The following MLIP variants were observed in gnomAD, a reference collection of about 807,000 sequenced individuals.
The protein encoded by MLIP is muscular LMNA interacting protein, also known as muscular LMNA-interacting protein.
In MLIP, 79 loss-of-function variants were observed where a neutral mutation model predicts 84.8. The observed-to-expected ratio is 0.93, with a 90% CI of 0.78 to 1.12. The LOEUF is 1.12. Among genes scored for constraint, MLIP ranks in the 50% most tolerant of loss-of-function variants. The pLI, the probability that MLIP is intolerant of heterozygous loss-of-function variation, is 0.00. For missense variants in MLIP, 1,257 were observed against 1,160.6 expected (o/e 1.08, Z -1.21); for synonymous variants, 504 against 463.0 (o/e 1.09, Z -1.14).
intron 11 of MLIP, among the ~76,000 whole-genome samples, chr6:54,229,367 T>C (rs1276600134): frequency 6.6e-6 from 1 of 152,234 alleles, no homozygotes; most frequent in Admixed American, 6.5e-5. Context: ...TTTTATTTTT[T>C]CTTCAACTTT....
intron 12 of MLIP, among the ~76,000 whole-genome samples, chr6:54,251,595 A>G (rs1392759298): frequency 1.3e-5 from 1 of 79,842 alleles, no homozygotes; most frequent in Non-Finnish European, 2.1e-5. Context: ...TATAATACAA[A>G]TATATATATT....
chr6:54,148,920 GA>G, intron 4 of MLIP, 135 bp from the exon 5 acceptor site: 1 of 625,138 alleles, frequency 1.6e-6, no homozygotes, highest in African/African-American at 1.9e-5. Flanking sequence ...GTTTCTGTCA[GA>G]AACAAGTTGT....
chr6:54,075,596 G>C (rs1013011476), intron 1 of MLIP, among the ~76,000 whole-genome samples: 1 of 152,104 alleles, frequency 6.6e-6, no homozygotes, highest in African/African-American at 2.4e-5. Context: ...ATTATTTGGA[G>C]ATTCTGTCAT....
intron 1 of MLIP, among the ~76,000 whole-genome samples, chr6:54,031,081 T>A (rs1239614103): frequency 6.6e-6 from 1 of 152,156 alleles, no homozygotes; most frequent in African/African-American, 2.4e-5. Context: ...AACATTAACA[T>A]GTAAATCAGT....
chr6:54,241,515 A>T (rs1781735488), intron 12 of MLIP, among the ~76,000 whole-genome samples: 2 of 152,156 alleles, frequency 1.3e-5, no homozygotes, highest in Admixed American at 1.3e-4. Context: ...TTTTTCTGGT[A>T]TGCTACTTCA....
In MLIP at chr6:54,121,578, T is replaced by C. The variant is rs1770458655; in HGVS notation, c.228T>C (p.Asp76=). The C allele has an allele frequency of 3.7e-6, 6 of 1,612,552 alleles. No individual in the cohort carries two copies. The highest frequency in any genetic ancestry group is 5.1e-6 in the Non-Finnish European group (6 of 1,179,050). The change falls in exon 2 of 14, where the codon GAT becomes GAC. Residue 76 remains aspartate (D), a synonymous_variant. Transcript: ENST00000502396. ...FLVKIPEESS[D]KSPETVNRSK... ...TTAAAATTCCAGAAGAATCAAGTGA[T>C]AAGAGTCCAGAAACTGTAAATAGGG...
intron 1 of MLIP, among the ~76,000 whole-genome samples, chr6:54,105,285 T>C (rs541650468): frequency 6.6e-6 from 1 of 152,312 alleles, no homozygotes; most frequent in Non-Finnish European, 1.5e-5. Flanking sequence ...TTAGCCCGTA[T>C]ACGTTTGACT....
chr6:54,023,324 A>T (rs1045381484), intron 1 of MLIP, among the ~76,000 whole-genome samples: 5 of 151,872 alleles, frequency 3.3e-5, no homozygotes, highest in Admixed American at 2.6e-4. Context: ...ACTCTTTGAG[A>T]TTGAGAAAGA....
chr6:54,059,131 C>T (rs1054342805), intron 1 of MLIP, among the ~76,000 whole-genome samples: 5 of 152,156 alleles, frequency 3.3e-5, no homozygotes, highest in Non-Finnish European at 7.4e-5. Flanking sequence ...TATTCAGAGA[C>T]TTGTCTAAGG....
upstream of MLIP, among the ~76,000 whole-genome samples, chr6:54,111,040 A>T (rs1769416552): frequency 6.6e-6 from 1 of 152,222 alleles, no homozygotes; most frequent in Admixed American, 6.5e-5. Context: ...GCATGTATTT[A>T]TACCTCTAAA....
In MLIP at chr6:54,257,290, G is replaced by A. The variant is rs1306161013; in HGVS notation, c.2923-18G>A. On this transcript the variant is annotated intron_variant, in intron 12 of 13. Coordinates refer to ENST00000502396, the MANE Select transcript of MLIP (RefSeq NM_001281747.2). ...CACTTCTACTCCTGATCATATCCTG[G>A]GCATCTTTTCTGTGAAGCTGAGTCA... 9 of 1,600,974 alleles carry A rather than the reference G, an allele frequency of 5.6e-6. No homozygotes were observed. The highest frequency in any genetic ancestry group is 1.3e-5 in the African/African-American group (1 of 74,310).
intron 12 of MLIP, among the ~76,000 whole-genome samples, chr6:54,252,152 CAT>C (rs1491564728): frequency 2.0e-5 from 2 of 98,238 alleles, no homozygotes; most frequent in African/African-American, 4.6e-5. Flanking sequence ...TATAATATAA[CAT>C]ATAATATATA....
chr6:54,197,600 T>C lies in MLIP; in HGVS notation c.2590-4505T>C, dbSNP rs73438438. ...ATTTTTTTTCTTGTGCCCTTTGTGC[T>C]GGCTATGAGAGTCATTACATTTTTT... On this transcript the variant is annotated intron_variant, in intron 10 of 13. Coordinates refer to ENST00000502396, the MANE Select transcript of MLIP (RefSeq NM_001281747.2). Among the ~76,000 whole-genome samples, 639 of 152,252 alleles carry C rather than the reference T, an allele frequency of 4.2e-3. 4 individuals are homozygous for C. Among genetic ancestry groups the C allele is most frequent in the African/African-American group, 0.015 (603 of 41,560 alleles).
intron 12 of MLIP, among the ~76,000 whole-genome samples, chr6:54,238,845 T>G (rs9464043): frequency 0.12 from 18,283 of 152,226 alleles, 1,463 homozygotes; most frequent in African/African-American, 0.22. Flanking sequence ...CATGCCAAGT[T>G]TGTGACAGTG....
intron 1 of MLIP, among the ~76,000 whole-genome samples, chr6:54,028,481 A>G (rs1459361356): frequency 6.6e-6 from 1 of 152,226 alleles, no homozygotes; most frequent in Non-Finnish European, 1.5e-5. Context: ...GGCTGAAGGA[A>G]GAAAATGTTA....
At chr6:54,242,558 TC>T (rs1474795603) in intron 12 of MLIP, among the ~76,000 whole-genome samples, 1 of 152,170 alleles carries the variant, frequency 6.6e-6, no homozygotes, top group African/African-American at 2.4e-5. Context: ...TTAACAAAGA[TC>T]AATCAACAAG....
At chr6:54,167,098 G>T (rs953664181) in intron 8 of MLIP, among the ~76,000 whole-genome samples, 1 of 151,816 alleles carries the variant, frequency 6.6e-6, no homozygotes, top group Non-Finnish European at 1.5e-5. Context: ...TGTTTTGTTG[G>T]ATAGTACAAG....
chr6:54,103,167 A>G (rs1191814430), intron 1 of MLIP, among the ~76,000 whole-genome samples: 1 of 152,122 alleles, frequency 6.6e-6, no homozygotes, highest in African/African-American at 2.4e-5. Context: ...AGATAACACA[A>G]TAAGCCCCTC....
chr6:54,132,236 A>C (rs1561962834), intron 3 of MLIP, among the ~76,000 whole-genome samples: 1 of 152,226 alleles, frequency 6.6e-6, no homozygotes, highest in Non-Finnish European at 1.5e-5. Flanking sequence ...ACTATTCACC[A>C]CAATGATATT....
Sources: allele counts gnomAD v4.1 joint callset (sites outside exome capture counted in the v4.1 genomes callset), GRCh38; gene constraint gnomAD v4.1.1; transcripts MANE v1.5; gene names NCBI Gene and HGNC (gene_info 2026-07-23, HGNC 2026-07-21).